PDE8B: variants seen among roughly 807,000 people sequenced by gnomAD.
The protein encoded by PDE8B is high affinity cAMP-specific and IBMX-insensitive 3',5'-cyclic phosphodiesterase 8B.
Under a neutral mutation model 101.3 loss-of-function variants are expected in PDE8B, and 26 were observed. That is an observed-to-expected ratio of 0.26 (90% CI 0.19 to 0.36). The LOEUF (loss-of-function observed/expected upper bound fraction) is 0.36, where lower values mean the gene tolerates loss of function less well. Ranked by LOEUF, PDE8B falls within the 10% of genes least tolerant of loss-of-function variation. PDE8B has a pLI of 1.00. For synonymous variants in PDE8B, 424 were observed against 429.3 expected, an observed-to-expected ratio of 0.99 and a Z score of 0.15; for missense variants, 810 against 1,163.1, an observed-to-expected ratio of 0.70 and a Z score of 4.42.
intron 1 of PDE8B, among the ~76,000 whole-genome samples, chr5:77,261,873 T>G (rs1169200535): frequency 6.6e-6 from 1 of 152,228 alleles, no homozygotes; most frequent in Non-Finnish European, 1.5e-5. Flanking sequence ...TTCAGAGAAG[T>G]GCCTTGCGTT....
chr5:77,160,402 G>A, the PDE8B span, among the ~76,000 whole-genome samples: 8 of 152,044 alleles, frequency 5.3e-5, no homozygotes, highest in Non-Finnish European at 1.2e-4. Flanking sequence ...GTTAGGTTTC[G>A]CATCCCATGA....
At chr5:77,095,951 T>C in the PDE8B span, among the ~76,000 whole-genome samples, 1 of 152,158 alleles carries the variant, frequency 6.6e-6, no homozygotes, top group Non-Finnish European at 1.5e-5. Flanking sequence ...ACCAGCTTAT[T>C]GGTGTGGAAA....
intron 18 of PDE8B, 53 bp from the exon 19 acceptor site, chr5:77,419,714 T>G (rs1399828514): frequency 1.9e-6 from 3 of 1,608,242 alleles, no homozygotes; most frequent in East Asian, 4.5e-5. Flanking sequence ...GGCAGAATAG[T>G]TATAATTTGA....
intron 1 of PDE8B, among the ~76,000 whole-genome samples, chr5:77,297,955 C>T (rs1768970020): frequency 6.6e-6 from 1 of 152,250 alleles, no homozygotes; most frequent in Admixed American, 6.5e-5. Flanking sequence ...GGTCATCTCA[C>T]TCCCACTCTG....
rs140010050 is a variant in PDE8B at position 77,313,931 on chromosome 5, A to G, written c.399+1878A>G. ...AGCTCTCTTTGAAAGGTGTTGTGCT[A>G]TACACATCGTTCTTCATTCATCAGT... On this transcript the variant is annotated intron_variant, in intron 2 of 21. Coordinates refer to ENST00000264917, the MANE Select transcript of PDE8B (RefSeq NM_003719.5). Among the ~76,000 whole-genome samples the G allele has an allele frequency of 1.1e-4, 17 of 152,318 alleles. No homozygotes were observed. In the East Asian group the frequency reaches 2.5e-3, roughly 22 times the overall value.
chr5:77,317,758 G>A (rs17570416), intron 2 of PDE8B, among the ~76,000 whole-genome samples: 19,215 of 151,846 alleles, frequency 0.13, 1,389 homozygotes, highest in East Asian at 0.29. Context: ...AGAGAGTCCC[G>A]TCCCCATTCC....
chr5:77,099,906 G>A, the PDE8B span, among the ~76,000 whole-genome samples: 14,881 of 152,130 alleles, frequency 0.098, 1,337 homozygotes, highest in African/African-American at 0.24. Context: ...CACAACGCCC[G>A]GCCCGGGGTG....
At chr5:77,297,423 A>C (rs1768845236) in intron 1 of PDE8B, among the ~76,000 whole-genome samples, 2 of 152,080 alleles carry the variant, frequency 1.3e-5, no homozygotes, top group Admixed American at 1.3e-4. Context: ...AAGGCCAGTC[A>C]TTACACACTG....
At chr5:77,320,779 A>G (rs1227035551) in intron 2 of PDE8B, among the ~76,000 whole-genome samples, 6 of 152,194 alleles carry the variant, frequency 3.9e-5, no homozygotes, top group Non-Finnish European at 5.9e-5. Flanking sequence ...GATTTTTCAA[A>G]AATATATTTT....
At position 77,211,448 on chromosome 5, in the gene PDE8B, A is replaced by AAGGCCCCTGG. The variant is rs1275177792; in HGVS notation, c.339+188_339+197dup. On this transcript the variant is annotated intron_variant, in intron 1 of 21. Coordinates refer to ENST00000264917, the MANE Select transcript of PDE8B (RefSeq NM_003719.5). This position sits in a 1 kb window ranked among gnomAD's most constrained non-coding sequence, Gnocchi z 4.1. Reference sequence around the variant, plus strand: ...GGAGCCCAGGAAATGTGGTCAGAAAAAGGCCCCTGGAGGGGTCCTGGAAGC... The same window carrying AAGGCCCCTGG: ...GGAGCCCAGGAAATGTGGTCAGAAAAAGGCCCCTGGAGGCCCCTGGAGGGGTCCTGGAAGC... Among the ~76,000 whole-genome samples the AAGGCCCCTGG allele has an allele frequency of 1.3e-5, 2 of 152,148 alleles. No individual in the cohort carries two copies. The highest frequency in any genetic ancestry group is 4.8e-5 in the African/African-American group (2 of 41,424).
intron 17 of PDE8B, among the ~76,000 whole-genome samples, chr5:77,415,351 A>ATTTTTTTTTTTTTTTTTTTTTTTTTTT (rs71606293): frequency 3.4e-5 from 3 of 88,736 alleles, no homozygotes; most frequent in Non-Finnish European, 6.2e-5. Flanking sequence ...ATAAGCTAAA[A>ATTTTTTTTTTTTTTTTTTTTTTTTTTT]TTTTTTTTTT....
intron 1 of PDE8B, among the ~76,000 whole-genome samples, chr5:77,220,086 C>A: frequency 6.6e-6 from 1 of 152,214 alleles, no homozygotes; most frequent in East Asian, 1.9e-4. Flanking sequence ...AATGCTGGGT[C>A]TGTGAAGCCA....
At chr5:77,184,801 G>GAGAC in the PDE8B span, among the ~76,000 whole-genome samples, 4 of 151,374 alleles carry the variant, frequency 2.6e-5, no homozygotes, top group African/African-American at 9.7e-5. Context: ...GCAACATAGT[G>GAGAC]AGACCCTTCT....
chr5:77,133,963 T>C, the PDE8B span, among the ~76,000 whole-genome samples: 5 of 152,180 alleles, frequency 3.3e-5, no homozygotes, highest in Non-Finnish European at 4.4e-5. Flanking sequence ...TAGATACCTC[T>C]CCTGGCTTTA....
At chr5:77,296,301 A>T (rs539893831) in intron 1 of PDE8B, among the ~76,000 whole-genome samples, 1 of 149,610 alleles carries the variant, frequency 6.7e-6, no homozygotes, top group South Asian at 2.1e-4. Context: ...TCACTCTGTC[A>T]CCCAGGCTGG....
intron 1 of PDE8B, among the ~76,000 whole-genome samples, chr5:77,273,989 A>G (rs554752095): frequency 6.6e-6 from 1 of 151,936 alleles, no homozygotes; most frequent in African/African-American, 2.4e-5. Flanking sequence ...TGCCCGGCTA[A>G]TTTTGTATTT....
Position 77,342,558 on chromosome 5 carries a change from T to G in PDE8B, c.798-2295T>G, listed in dbSNP as rs537768365. ...AAACATCAATCCAGTAAATCAACAGTTTTTTTTTATTTTGTAATGTGTAAG... is the reference window on the plus strand; with the variant it reads ...AAACATCAATCCAGTAAATCAACAGGTTTTTTTTATTTTGTAATGTGTAAG... On this transcript the variant is annotated intron_variant, in intron 6 of 21. Coordinates refer to ENST00000264917, the MANE Select transcript of PDE8B (RefSeq NM_003719.5). Among the ~76,000 whole-genome samples the G allele has an allele frequency of 2.5e-3, 352 of 140,034 alleles. 2 individuals are homozygous for G. Among genetic ancestry groups the G allele is most frequent in the African/African-American group, 9.4e-3 (339 of 36,200 alleles). 91.9% of individuals were successfully genotyped at this position (140,034 alleles called of 152,430 possible).
At chr5:77,291,403 A>G (rs762738606) in intron 1 of PDE8B, 22 of 1,611,748 alleles carry the variant, frequency 1.4e-5, no homozygotes, top group Non-Finnish European at 1.7e-5. Flanking sequence ...CGCCCTGGAA[A>G]TTATGTAGAA....
chr5:77,220,591 A>G (rs1264424880), intron 1 of PDE8B, among the ~76,000 whole-genome samples: 1 of 152,352 alleles, frequency 6.6e-6, no homozygotes, highest in East Asian at 1.9e-4. Flanking sequence ...ATATAGAAAC[A>G]TGTTATATGT....
Sources: allele counts gnomAD v4.1 joint callset (sites outside exome capture counted in the v4.1 genomes callset), GRCh38; gene constraint gnomAD v4.1.1; non-coding constraint Gnocchi (gnomAD v3.1); transcripts MANE v1.5; gene names NCBI Gene and HGNC (gene_info 2026-07-23, HGNC 2026-07-21).